Variants in TFEB observed in about 807,000 individuals in gnomAD.
TFEB encodes the protein transcription factor EB, also known as T-cell transcription factor EB.
TFEB carries 12 observed loss-of-function variants against 48.0 expected under a neutral mutation model. The observed-to-expected ratio is 0.25, with a 90% CI of 0.16 to 0.40. The LOEUF is 0.40. Ranked by LOEUF, TFEB falls within the 10% of genes least tolerant of loss-of-function variation. The pLI is 1.00. For synonymous variants in TFEB, 244 were observed against 261.4 expected (o/e 0.93, Z 0.64); for missense variants, 509 against 640.3 (o/e 0.79, Z 2.21).
intron 1 of TFEB, among the ~76,000 whole-genome samples, chr6:41,727,288 GGAA>G (rs2127273323): frequency 6.6e-6 from 1 of 152,298 alleles, no homozygotes; most frequent in South Asian, 2.1e-4. Context: ...GAAATAAAGA[GGAA>G]GGAGAGAAGG....
intron 1 of TFEB, among the ~76,000 whole-genome samples, chr6:41,719,964 G>T (rs1367545666): frequency 1.3e-5 from 2 of 152,190 alleles, no homozygotes; most frequent in Non-Finnish European, 2.9e-5. Flanking sequence ...GCATTCGGTT[G>T]TTGTATAAAG....
Position 41,724,041 on chromosome 6 carries a change from C to T in TFEB, c.-23+11309G>A. 1 of 432,114 alleles carries T rather than the reference C, an allele frequency of 2.3e-6. No homozygotes were observed. Among genetic ancestry groups the T allele is most frequent in the Non-Finnish European group, 4.7e-6 (1 of 214,464 alleles). 26.8% of individuals were successfully genotyped at this position (432,114 alleles called of 1,614,324 possible). The stretch of plus-strand genomic sequence containing the variant: ...GGCCTTCCCAGGGCCTCCAGACACC[C>T]AGGTCGAGGCCGTACTACAGCCCAC... On this transcript the variant is annotated intron_variant, in intron 1 of 8. Transcript: ENST00000373033. This position sits in a 1 kb window ranked among gnomAD's most constrained non-coding sequence, Gnocchi z 4.4.
chr6:41,686,826 T>A (rs1769035054), intron 7 of TFEB: 1 of 515,762 alleles, frequency 1.9e-6, no homozygotes, highest in Non-Finnish European at 3.5e-6. Context: ...GCCAGCCCAA[T>A]GGCCTTAAGA....
chr6:41,694,355 G>A (rs1237631176), intron 1 of TFEB, among the ~76,000 whole-genome samples: 1 of 152,176 alleles, frequency 6.6e-6, no homozygotes, highest in Non-Finnish European at 1.5e-5. Flanking sequence ...GTGGGTGTCA[G>A]TAGCCTCAGC....
At chr6:41,727,522 C>T (rs1187749874) in intron 1 of TFEB, among the ~76,000 whole-genome samples, 1 of 152,210 alleles carries the variant, frequency 6.6e-6, no homozygotes, top group Non-Finnish European at 1.5e-5. Flanking sequence ...GAGATCCCAT[C>T]TCTACAGAAA....
intron 1 of TFEB, among the ~76,000 whole-genome samples, chr6:41,696,559 T>C (rs368715154): frequency 6.6e-6 from 1 of 152,054 alleles, no homozygotes; most frequent in Admixed American, 6.6e-5. Context: ...CCGGGCGTGG[T>C]GGTGTGCACC....
In TFEB at chr6:41,735,522, C is replaced by T. The variant is rs1270371270; in HGVS notation, c.-195G>A. The T allele has an allele frequency of 1.0e-6, 1 of 984,776 alleles. No individual in the cohort carries two copies. Among genetic ancestry groups the T allele is most frequent in the Non-Finnish European group, 1.2e-6 (1 of 829,820 alleles). 61.0% of individuals were successfully genotyped at this position (984,776 alleles called of 1,614,324 possible). ...GCCCTTCCCGCCGCCGTCGGCGCCG[C>T]GGCCGCTCCCTGCGTCCCGCCCGGG... is the stretch of plus-strand genomic sequence containing the variant. On this transcript the variant is annotated 5_prime_UTR_variant, in exon 1 of 9. Transcript: ENST00000373033.
intron 1 of TFEB, among the ~76,000 whole-genome samples, chr6:41,704,169 G>C (rs1490490093): frequency 6.6e-6 from 1 of 152,132 alleles, no homozygotes; most frequent in African/African-American, 2.4e-5. Flanking sequence ...GACTACCCTT[G>C]CAGTTCCCCA....
At chr6:41,733,947 G>T (rs2127281927) in intron 1 of TFEB, 3 of 927,878 alleles carry the variant, frequency 3.2e-6, no homozygotes, top group East Asian at 2.3e-4. Context: ...CGGCCAGGGC[G>T]GGTGCAGGGG....
chr6:41,712,894 C>T (rs1770546874), intron 1 of TFEB, among the ~76,000 whole-genome samples: 1 of 152,208 alleles, frequency 6.6e-6, no homozygotes, highest in South Asian at 2.1e-4. Flanking sequence ...CCACCCACTC[C>T]CCCACCCGGC....
intron 1 of TFEB, among the ~76,000 whole-genome samples, chr6:41,725,972 G>A (rs1020083650): frequency 2.6e-5 from 4 of 152,174 alleles, no homozygotes; most frequent in African/African-American, 9.7e-5. Flanking sequence ...GGCCAGGCCC[G>A]GCGGCTCACG....
chr6:41,698,664 G>C (rs1220442141), intron 1 of TFEB, among the ~76,000 whole-genome samples: 1 of 152,156 alleles, frequency 6.6e-6, no homozygotes, highest in African/African-American at 2.4e-5. Context: ...TCTCAGTCGT[G>C]GGGGAGCTGC....
intron 1 of TFEB, among the ~76,000 whole-genome samples, chr6:41,705,018 A>T (rs1378366824): frequency 6.6e-6 from 1 of 152,148 alleles, no homozygotes; most frequent in East Asian, 1.9e-4. Context: ...ACCATATGAG[A>T]CACACCCATT....
rs911063179 is a variant in TFEB, at chr6:41,730,200, G to A, written c.-23+5150C>T. On this transcript the variant is annotated intron_variant, in intron 1 of 8. Transcript: ENST00000373033. The surrounding 1 kb of genome is among the most constrained non-coding windows in gnomAD (Gnocchi z 4.1). ...TGCAATGGTGTTGTCTAAGAGTTCC[G>A]CAGGTGATCATAATACCCAGCCAGG... 2.8e-4 allele frequency among the ~76,000 whole-genome samples: 42 copies of A among 152,252 alleles called. 1 individual carries two copies. The highest frequency in any genetic ancestry group is 8.9e-4 in the African/African-American group (37 of 41,542).
intron 1 of TFEB, chr6:41,735,088 G>T (rs1771623411): frequency 1.0e-6 from 1 of 984,872 alleles, no homozygotes; most frequent in Non-Finnish European, 1.2e-6. Context: ...TAAGGTCGCG[G>T]AGAAGCCGCC....
At chr6:41,707,207 T>G (rs980954713) in intron 1 of TFEB, among the ~76,000 whole-genome samples, 1 of 152,026 alleles carries the variant, frequency 6.6e-6, no homozygotes, top group African/African-American at 2.4e-5. Flanking sequence ...TCCTCTCTGT[T>G]CTCCTCCCAA....
intron 4 of TFEB, among the ~76,000 whole-genome samples, chr6:41,688,623 A>G (rs534921097): frequency 6.6e-5 from 10 of 152,244 alleles, no homozygotes; most frequent in Non-Finnish European, 1.3e-4. Context: ...TGAGCTCTGG[A>G]AAGATCTGCC....
intron 1 of TFEB, among the ~76,000 whole-genome samples, chr6:41,704,180 A>G (rs879365904): frequency 2.6e-5 from 4 of 152,038 alleles, no homozygotes; most frequent in African/African-American, 9.7e-5. Flanking sequence ...CAGTTCCCCA[A>G]CAGAGCCTCT....
rs779841220 is a variant in TFEB, at chr6:41,723,447, G to A, written c.-23+11903C>T. 50 of 1,256,542 alleles carry A rather than the reference G, an allele frequency of 4.0e-5. No individual in the cohort carries two copies. The highest frequency in any genetic ancestry group is 1.7e-4 in the East Asian group (3 of 17,950). 77.8% of individuals were successfully genotyped at this position (1,256,542 alleles called of 1,614,324 possible). ...TGCACACACTCACACACATGCACGC[G>A]TGTGCTCTCATACCTTCGAGAGGGC... On this transcript the variant is annotated intron_variant, in intron 1 of 8. Transcript: ENST00000373033. The surrounding 1 kb of genome is among the most constrained non-coding windows in gnomAD (Gnocchi z 6.0).
Sources: gnomAD v4.1 joint callset for allele counts (sites outside exome capture counted in the v4.1 genomes callset) on GRCh38, gnomAD v4.1.1 for gene constraint, Gnocchi (gnomAD v3.1) non-coding constraint, MANE v1.5 for transcripts, NCBI Gene and HGNC (gene_info 2026-07-23, HGNC 2026-07-21) for gene names.